Variants in CCSER1 observed in about 807,000 individuals in gnomAD.
CCSER1 encodes coiled-coil serine rich protein 1, also known as serine-rich coiled-coil domain-containing protein 1.
A neutral mutation model predicts 82.0 loss-of-function variants in CCSER1; 41 were observed. The ratio of observed to expected loss-of-function variants is 0.50; its 90% CI spans 0.39 to 0.65. The LOEUF is 0.65. Ranked by LOEUF, CCSER1 falls within the 30% of genes least tolerant of loss-of-function variation. CCSER1 has a pLI of 0.00. For synonymous variants in CCSER1, 414 were observed against 383.9 expected (o/e 1.08, Z -0.92); for missense variants, 1,119 against 1,064.2 (o/e 1.05, Z -0.72).
At chr4:90,290,632 T>G (rs781155493) in intron 1 of CCSER1, among the ~76,000 whole-genome samples, 3 of 151,932 alleles carry the variant, frequency 2.0e-5, no homozygotes, top group African/African-American at 4.8e-5. Flanking sequence ...TCTCTCTCTC[T>G]CTCGCTCGCT....
chr4:91,191,850 ATCT>A (rs1232310571), intron 10 of CCSER1, among the ~76,000 whole-genome samples: 3 of 152,088 alleles, frequency 2.0e-5, no homozygotes, highest in Non-Finnish European at 4.4e-5. Flanking sequence ...TAACTACTCA[ATCT>A]TCTTTTAGTA....
intron 10 of CCSER1, among the ~76,000 whole-genome samples, chr4:91,155,243 T>C (rs1281520063): frequency 2.0e-5 from 3 of 151,718 alleles, no homozygotes; most frequent in Non-Finnish European, 4.4e-5. Flanking sequence ...ATTATAGGGG[T>C]AGATTTTGCC....
At chr4:90,584,336 A>G (rs1350484122) in intron 5 of CCSER1, among the ~76,000 whole-genome samples, 1 of 152,202 alleles carries the variant, frequency 6.6e-6, no homozygotes, top group Non-Finnish European at 1.5e-5. Context: ...GAGAAACCAC[A>G]CGGCAAAGAA....
chr4:90,759,716 C>T (rs1355254974), intron 7 of CCSER1, among the ~76,000 whole-genome samples: 1 of 152,080 alleles, frequency 6.6e-6, no homozygotes. Context: ...CTTGTAGTAT[C>T]CCACTGTGGT....
chr4:90,652,910 T>G (rs1257032981), intron 6 of CCSER1, among the ~76,000 whole-genome samples: 1 of 152,176 alleles, frequency 6.6e-6, no homozygotes, highest in Non-Finnish European at 1.5e-5. Flanking sequence ...GAAGGTTTGG[T>G]CTTCATTCTG....
intron 7 of CCSER1, among the ~76,000 whole-genome samples, chr4:90,739,586 C>A (rs1276474975): frequency 6.6e-6 from 1 of 152,172 alleles, no homozygotes; most frequent in African/African-American, 2.4e-5. Context: ...TATTTAGTAC[C>A]CCCAAGCTCT....
intron 10 of CCSER1, among the ~76,000 whole-genome samples, chr4:91,185,060 C>A (rs1420035212): frequency 1.3e-5 from 2 of 152,170 alleles, no homozygotes; most frequent in Admixed American, 6.5e-5. Flanking sequence ...ATGTGGACAG[C>A]CAGTGCTGTA....
At chr4:90,583,544 T>C (rs888678926) in intron 5 of CCSER1, among the ~76,000 whole-genome samples, 7 of 152,126 alleles carry the variant, frequency 4.6e-5, no homozygotes, top group African/African-American at 1.7e-4. Context: ...TTTATAGATA[T>C]TAAAAAAAGG....
In CCSER1 at chr4:91,091,586, G is replaced by A. The variant is rs551203722; in HGVS notation, c.2217+5592G>A. Among the ~76,000 whole-genome samples, 97 of 152,286 alleles carry A rather than the reference G, an allele frequency of 6.4e-4. 1 individual carries two copies. The highest frequency in any genetic ancestry group is 1.2e-4 in the Non-Finnish European group (8 of 68,030). ...TATTTTCCTCATGCTTCAGCCATGC[G>A]TAGACCAGTCAGCTTCCGGGTGTGA... On this transcript the variant is annotated intron_variant, in intron 10 of 10. Transcript: ENST00000509176.
intron 5 of CCSER1, among the ~76,000 whole-genome samples, chr4:90,623,368 C>T (rs575050328): frequency 6.6e-6 from 1 of 151,880 alleles, no homozygotes; most frequent in African/African-American, 2.4e-5. Flanking sequence ...GGAGATAGAA[C>T]ATCATATGCA....
At chr4:90,649,010 G>T (rs372144051) in intron 6 of CCSER1, among the ~76,000 whole-genome samples, 1 of 152,180 alleles carries the variant, frequency 6.6e-6, no homozygotes, top group African/African-American at 2.4e-5. Context: ...TGGCGATAAG[G>T]CTTGACAGCT....
chr4:91,450,621 G>A (rs995531478), intron 10 of CCSER1, among the ~76,000 whole-genome samples: 7 of 152,038 alleles, frequency 4.6e-5, no homozygotes, highest in African/African-American at 1.4e-4. Context: ...CCTAAACAGA[G>A]CTCAGTTATC....
intron 8 of CCSER1, among the ~76,000 whole-genome samples, chr4:90,923,124 G>T (rs765674472): frequency 2.7e-4 from 41 of 152,166 alleles, no homozygotes; most frequent in Admixed American, 1.0e-3. Flanking sequence ...TGACTCTACT[G>T]TTGAACTGTG....
chr4:90,812,878 C>G (rs562246478), intron 7 of CCSER1, among the ~76,000 whole-genome samples: 1 of 152,228 alleles, frequency 6.6e-6, no homozygotes, highest in African/African-American at 2.4e-5. Flanking sequence ...GGGGAAACCA[C>G]CCCCATGATC....
At chr4:90,526,364 G>A (rs1773758043) in intron 5 of CCSER1, among the ~76,000 whole-genome samples, 1 of 151,982 alleles carries the variant, frequency 6.6e-6, no homozygotes, top group African/African-American at 2.4e-5. Context: ...TAACTGCCAT[G>A]AGCCTCAGTT....
chr4:90,204,625 G>A (rs1245320095), intron 1 of CCSER1, among the ~76,000 whole-genome samples: 2 of 152,178 alleles, frequency 1.3e-5, no homozygotes, highest in East Asian at 1.9e-4. Flanking sequence ...GTCAGGTAGT[G>A]TGATGTTTCC....
At chr4:91,212,985 G>A (rs1008442876) in intron 10 of CCSER1, among the ~76,000 whole-genome samples, 3 of 152,108 alleles carry the variant, frequency 2.0e-5, no homozygotes, top group South Asian at 2.1e-4. Context: ...GTGAGAACAC[G>A]TGGTAGTTTG....
chr4:90,642,653 A>G (rs59848491), intron 6 of CCSER1, among the ~76,000 whole-genome samples: 2,655 of 152,274 alleles, frequency 0.017, 66 homozygotes, highest in African/African-American at 0.059. Flanking sequence ...AGCCTGGGCA[A>G]CATAGAGATC....
intron 10 of CCSER1, among the ~76,000 whole-genome samples, chr4:91,522,661 T>C (rs1204954250): frequency 6.6e-6 from 1 of 152,234 alleles, no homozygotes; most frequent in Non-Finnish European, 1.5e-5. Context: ...CACTCATGAT[T>C]TGGCTCTCTG....
Sources: gnomAD v4.1 joint callset for allele counts (sites outside exome capture counted in the v4.1 genomes callset) on GRCh38, gnomAD v4.1.1 for gene constraint, MANE v1.5 for transcripts, NCBI Gene and HGNC (gene_info 2026-07-23, HGNC 2026-07-21) for gene names.